The following LRRC4C variants were observed in gnomAD, a reference collection of about 807,000 sequenced individuals.
LRRC4C encodes the protein leucine-rich repeat-containing protein 4C.
In LRRC4C, 5 loss-of-function variants were observed where a neutral mutation model predicts 33.6. The observed-to-expected ratio is 0.15, with a 90% confidence interval of 0.08 to 0.31. LRRC4C has a LOEUF of 0.31. LRRC4C is among the 10% of genes least tolerant of loss of function. LRRC4C has a pLI of 1.00. For synonymous variants in LRRC4C, 329 were observed against 302.0 expected, an observed-to-expected ratio of 1.09 and a Z score of -0.93; for missense variants, 560 against 796.7, an observed-to-expected ratio of 0.70 and a Z score of 3.58.
At position 40,250,954 on chromosome 11, in the gene LRRC4C, G is replaced by A. The variant is rs144521689; in HGVS notation, c.-175-9356C>T. Among the ~76,000 whole-genome samples the A allele has an allele frequency of 4.2e-4, 64 of 152,146 alleles. No individual in the cohort carries two copies. The East Asian group carries it at 0.012, about 29-fold the overall frequency. On this transcript the variant is annotated intron_variant, in intron 4 of 6. Transcript: ENST00000528697. ...TACATTTATCTATTTCCTGAGCTGT[G>A]GTTTTAATTAATCAAAGTTATAAAA... is the stretch of plus-strand genomic sequence containing the variant.
At chr11:41,444,562 T>C (rs1353217921) in intron 1 of LRRC4C, among the ~76,000 whole-genome samples, 1 of 152,150 alleles carries the variant, frequency 6.6e-6, no homozygotes, top group East Asian at 1.9e-4. Context: ...AGTAGAGTAA[T>C]CATTGAACCA....
chr11:40,944,899 C>A (rs922495874), intron 1 of LRRC4C, among the ~76,000 whole-genome samples: 1 of 152,042 alleles, frequency 6.6e-6, no homozygotes, highest in Non-Finnish European at 1.5e-5. Flanking sequence ...ACTTCTATAT[C>A]TTTCCTATTC....
intron 2 of LRRC4C, among the ~76,000 whole-genome samples, chr11:40,915,566 A>G (rs1197263628): frequency 6.6e-6 from 1 of 152,226 alleles, no homozygotes; most frequent in Non-Finnish European, 1.5e-5. Context: ...TAAAGACTTA[A>G]ATGTTAGACC....
At chr11:41,381,405 ATCAC>A (rs1953144042) in intron 1 of LRRC4C, among the ~76,000 whole-genome samples, 1 of 152,132 alleles carries the variant, frequency 6.6e-6, no homozygotes, top group Non-Finnish European at 1.5e-5. Flanking sequence ...AGGCGGGCAG[ATCAC>A]GAGGTCAGGA....
chr11:40,624,714 T>C (rs1468026199), intron 3 of LRRC4C, among the ~76,000 whole-genome samples: 2 of 152,162 alleles, frequency 1.3e-5, no homozygotes, highest in East Asian at 3.9e-4. Context: ...TGGAATCTTG[T>C]AGGGTATAGT....
At chr11:40,375,679 C>T (rs1241838655) in intron 3 of LRRC4C, among the ~76,000 whole-genome samples, 1 of 152,096 alleles carries the variant, frequency 6.6e-6, no homozygotes, top group Non-Finnish European at 1.5e-5. Context: ...TAAAGTTTCT[C>T]GAATAATTTT....
intron 2 of LRRC4C, among the ~76,000 whole-genome samples, chr11:40,806,271 G>A (rs1459025083): frequency 2.0e-5 from 3 of 152,184 alleles, no homozygotes; most frequent in Non-Finnish European, 4.4e-5. Flanking sequence ...AAATAGCAGA[G>A]AGACAGAAGA....
intron 3 of LRRC4C, among the ~76,000 whole-genome samples, chr11:40,493,367 T>C (rs1285008634): frequency 1.3e-5 from 2 of 152,114 alleles, no homozygotes; most frequent in Non-Finnish European, 2.9e-5. Context: ...ACAAGTCTTT[T>C]CCTTAAAATA....
intron 2 of LRRC4C, among the ~76,000 whole-genome samples, chr11:40,683,510 T>A (rs1944804158): frequency 6.6e-6 from 1 of 151,218 alleles, no homozygotes; most frequent in Admixed American, 6.6e-5. Flanking sequence ...GATTTAAAAA[T>A]TGTCATTTTA....
At chr11:40,396,745 T>C (rs1763476844) in intron 3 of LRRC4C, among the ~76,000 whole-genome samples, 1 of 152,104 alleles carries the variant, frequency 6.6e-6, no homozygotes, top group Non-Finnish European at 1.5e-5. Context: ...AACATAATTT[T>C]GTTAGCAAGT....
At chr11:41,431,362 TAA>T (rs1955228178) in intron 1 of LRRC4C, among the ~76,000 whole-genome samples, 2 of 151,838 alleles carry the variant, frequency 1.3e-5, no homozygotes, top group South Asian at 4.2e-4. Flanking sequence ...TAATTTTTAA[TAA>T]AAGAGATGGA....
intron 3 of LRRC4C, among the ~76,000 whole-genome samples, chr11:40,341,162 C>A (rs1946847420): frequency 6.6e-6 from 1 of 152,168 alleles, no homozygotes; most frequent in Non-Finnish European, 1.5e-5. Context: ...AATGTATGAA[C>A]TATAAACAAC....
intron 1 of LRRC4C, among the ~76,000 whole-genome samples, chr11:41,155,813 A>G (rs1458264121): frequency 6.6e-6 from 1 of 152,118 alleles, no homozygotes; most frequent in Non-Finnish European, 1.5e-5. Flanking sequence ...CGATCCCCCT[A>G]AATTCAGACA....
intron 1 of LRRC4C, among the ~76,000 whole-genome samples, chr11:41,245,159 T>C (rs1651489274): frequency 6.6e-6 from 1 of 152,210 alleles, no homozygotes; most frequent in Non-Finnish European, 1.5e-5. Flanking sequence ...TGAGAATTAT[T>C]AGCTAAAATA....
chr11:41,357,852 T>A (rs1261115751), intron 1 of LRRC4C, among the ~76,000 whole-genome samples: 3 of 152,114 alleles, frequency 2.0e-5, no homozygotes, highest in Non-Finnish European at 4.4e-5. Flanking sequence ...GATCTACAGA[T>A]TTAATGCAAT....
At chr11:41,265,953 C>A (rs1337552051) in intron 1 of LRRC4C, among the ~76,000 whole-genome samples, 1 of 151,686 alleles carries the variant, frequency 6.6e-6, no homozygotes. Context: ...GGATGAGATA[C>A]AACACTTGAT....
chr11:41,335,247 T>G (rs1202409208), intron 1 of LRRC4C, among the ~76,000 whole-genome samples: 1 of 152,220 alleles, frequency 6.6e-6, no homozygotes, highest in Non-Finnish European at 1.5e-5. Flanking sequence ...GTCTCTGTCC[T>G]TAGAAATTCC....
chr11:40,424,315 T>C (rs576994028), intron 3 of LRRC4C, among the ~76,000 whole-genome samples: 1 of 152,342 alleles, frequency 6.6e-6, no homozygotes, highest in South Asian at 2.1e-4. Flanking sequence ...AGAGGAGTTA[T>C]ATTTTCATGT....
chr11:40,857,005 T>A (rs1953817125), intron 2 of LRRC4C, among the ~76,000 whole-genome samples: 1 of 152,048 alleles, frequency 6.6e-6, no homozygotes, highest in Non-Finnish European at 1.5e-5. Context: ...CAAATCAAAC[T>A]GTTCATTTTA....
Sources: allele counts gnomAD v4.1 joint callset (sites outside exome capture counted in the v4.1 genomes callset), GRCh38; gene constraint gnomAD v4.1.1; transcripts MANE v1.5; gene names NCBI Gene and HGNC (gene_info 2026-07-23, HGNC 2026-07-21).